Variants in CACNA1A observed in about 807,000 individuals in gnomAD.
CACNA1A encodes voltage-dependent P/Q-type calcium channel subunit alpha-1A.
In CACNA1A, 57 loss-of-function variants were observed where a neutral mutation model predicts 262.4. The ratio of observed to expected loss-of-function variants is 0.22; its 90% CI spans 0.18 to 0.27. CACNA1A has a LOEUF of 0.27. CACNA1A is among the 10% of genes least tolerant of loss of function. The pLI is 1.00. For missense variants in CACNA1A, 2,526 were observed against 3,562.8 expected (o/e 0.71, Z 7.41); for synonymous variants, 1,431 against 1,419.3 (o/e 1.01, Z -0.18).
chr19:13,452,607 T>C, intron 3 of CACNA1A: 1 of 295,754 alleles, frequency 3.4e-6, no homozygotes. Context: ...AGTGGGTTGT[T>C]GCAAGGATTA....
intron 10 of CACNA1A, among the ~76,000 whole-genome samples, chr19:13,320,926 G>A (rs2058238673): frequency 6.6e-6 from 1 of 151,654 alleles, no homozygotes; most frequent in African/African-American, 2.4e-5. Flanking sequence ...AGTATTCCCA[G>A]CCGGACGTGT....
intron 11 of CACNA1A, 94 bp from the exon 12 acceptor site, chr19:13,312,875 A>G: frequency 1.7e-6 from 1 of 598,506 alleles, no homozygotes; most frequent in Non-Finnish European, 2.9e-6. Context: ...ATCATTTTTA[A>G]ACTTTTTATT....
intron 3 of CACNA1A, among the ~76,000 whole-genome samples, chr19:13,420,968 C>T (rs961912310): frequency 6.6e-6 from 1 of 152,196 alleles, no homozygotes; most frequent in Non-Finnish European, 1.5e-5. Flanking sequence ...CTACATTTCC[C>T]AGCATCCCTA....
chr19:13,261,656 C>T (rs1278569313), intron 25 of CACNA1A, 46 bp from the exon 26 acceptor site: 1 of 1,576,782 alleles, frequency 6.3e-7, no homozygotes, highest in Non-Finnish European at 8.6e-7. Flanking sequence ...GGGGACCTGC[C>T]CAACCTTCTG....
At chr19:13,487,558 C>G (rs890516632) in intron 1 of CACNA1A, among the ~76,000 whole-genome samples, 3 of 151,856 alleles carry the variant, frequency 2.0e-5, no homozygotes, top group African/African-American at 7.3e-5. Flanking sequence ...CTTTGAACTA[C>G]AGAGAGGTGA....
intron 46 of CACNA1A, 106 bp from the exon 47 acceptor site, chr19:13,208,159 A>T: frequency 7.5e-5 from 6 of 80,392 alleles, no homozygotes; most frequent in Middle Eastern, 4.0e-3. Context: ...AGGGGCCGGG[A>T]GGAGAGGGAG....
rs539753515 is a variant in CACNA1A at position 13,212,027 on chromosome 19, C to T, written c.6303+76G>A. On this transcript the variant is annotated intron_variant, in intron 43 of 46. Transcript: ENST00000360228. This position sits in a 1 kb window ranked among gnomAD's most constrained non-coding sequence, Gnocchi z 5.6. Reference sequence around the variant, plus strand: ...TCCGGCAGGGAGGGGATGCACTGGGCTGCTTGTGGGGGGGCCTGGCCCTAC... The same window carrying T: ...TCCGGCAGGGAGGGGATGCACTGGGTTGCTTGTGGGGGGGCCTGGCCCTAC... 38 of 1,058,472 alleles carry T rather than the reference C, an allele frequency of 3.6e-5. No individual in the cohort carries two copies. In the African/African-American group the frequency reaches 4.5e-4, roughly 12 times the overall value. The allele number at this position is 1,058,472 out of a possible 1,614,324, so 65.6% of individuals were successfully genotyped here. A position where few individuals can be genotyped will look rare whatever the true frequency, so the allele number is the denominator to read the frequency against.
At chr19:13,341,369 G>A (rs2058673043) in intron 6 of CACNA1A, among the ~76,000 whole-genome samples, 1 of 152,096 alleles carries the variant, frequency 6.6e-6, no homozygotes, top group South Asian at 2.1e-4. Flanking sequence ...CTCCTGAACT[G>A]CGAGAGAATA....
intron 10 of CACNA1A, 108 bp downstream of exon 10, chr19:13,330,136 A>G (rs1344469506): frequency 2.8e-6 from 2 of 707,938 alleles, no homozygotes; most frequent in Admixed American, 2.3e-5. Context: ...GGTGGAGCTG[A>G]GACCCAAATC....
intron 5 of CACNA1A, 114 bp from the exon 6 acceptor site, chr19:13,359,913 G>A (rs981390439): frequency 6.3e-6 from 4 of 638,684 alleles, no homozygotes; most frequent in East Asian, 2.9e-5. Flanking sequence ...TGGGACAAAC[G>A]TGATCAGTCT....
chr19:13,487,133 A>C (rs1302687069), intron 1 of CACNA1A, among the ~76,000 whole-genome samples: 1 of 152,148 alleles, frequency 6.6e-6, no homozygotes, highest in Non-Finnish European at 1.5e-5. Flanking sequence ...CATTAATTTC[A>C]CTATCAAACA....
At chr19:13,240,869 T>C (rs918572958) in intron 31 of CACNA1A, among the ~76,000 whole-genome samples, 1 of 152,202 alleles carries the variant, frequency 6.6e-6, no homozygotes, top group African/African-American at 2.4e-5. Flanking sequence ...AGTTCAAGGC[T>C]CCAGGAGAGG....
chr19:13,378,609 AGGCTC>A (rs1455814077), intron 3 of CACNA1A, among the ~76,000 whole-genome samples: 2 of 152,132 alleles, frequency 1.3e-5, no homozygotes, highest in East Asian at 3.9e-4. Flanking sequence ...GACTCACTGA[AGGCTC>A]AGATGATTGT....
chr19:13,424,160 C>A (rs1455116018), intron 3 of CACNA1A, among the ~76,000 whole-genome samples: 1 of 152,084 alleles, frequency 6.6e-6, no homozygotes, highest in Non-Finnish European at 1.5e-5. Flanking sequence ...ACCAGCCTGA[C>A]CAACTTGGAG....
chr19:13,277,395 C>A, intron 22 of CACNA1A: 1 of 321,818 alleles, frequency 3.1e-6, no homozygotes, highest in Non-Finnish European at 5.9e-6. Context: ...GTTCGCTAAC[C>A]CACGGGAAGG....
At chr19:13,268,834 G>C (rs1035285732) in intron 24 of CACNA1A, among the ~76,000 whole-genome samples, 1 of 151,464 alleles carries the variant, frequency 6.6e-6, no homozygotes, top group Non-Finnish European at 1.5e-5. Context: ...GTCTGACTTG[G>C]GGTTCTCAAA....
chr19:13,208,147 AGAGGGGCCGGGAGGAGAGGGAGGAGGG>A lies in CACNA1A; in HGVS notation c.6781-121_6781-95del, dbSNP rs886414012. 229 of 301,076 alleles carry A rather than the reference AGAGGGGCCGGGAGGAGAGGGAGGAGGG, an allele frequency of 7.6e-4. 4 individuals carry two copies. The South Asian group carries it at 0.027, about 35-fold the overall frequency. 18.7% of individuals were successfully genotyped at this position (301,076 alleles called of 1,614,324 possible). ...GGGAGGAAGAGAGGGGAGCGAAGGGAGAGGGGCCGGGAGGAGAGGGAGGAGGGGGAGGGGGAGGAGGAGGAGGAGGAG... is the reference window on the plus strand; with the variant it reads ...GGGAGGAAGAGAGGGGAGCGAAGGGAGGAGGGGGAGGAGGAGGAGGAGGAG... On this transcript the variant is annotated intron_variant, in intron 46 of 46. Coordinates refer to ENST00000360228, the MANE Select transcript of CACNA1A (RefSeq NM_001127222.2).
At chr19:13,505,788 C>A in intron 1 of CACNA1A, 144 bp downstream of exon 1, 1 of 792,950 alleles carries the variant, frequency 1.3e-6, no homozygotes, top group Non-Finnish European at 2.1e-6. Flanking sequence ...ACACTCCTCC[C>A]GGTGCCCCCT....
chr19:13,354,378 T>C (rs1186903629), intron 6 of CACNA1A, among the ~76,000 whole-genome samples: 2 of 152,190 alleles, frequency 1.3e-5, no homozygotes, highest in African/African-American at 4.8e-5. Flanking sequence ...TGCTTGCCTA[T>C]GGCCAAACAG....
Sources: gnomAD v4.1 joint callset for allele counts (sites outside exome capture counted in the v4.1 genomes callset) on GRCh38, gnomAD v4.1.1 for gene constraint, Gnocchi (gnomAD v3.1) non-coding constraint, MANE v1.5 for transcripts, NCBI Gene and HGNC (gene_info 2026-07-23, HGNC 2026-07-21) for gene names.